The following SGCZ variants were observed in gnomAD, a reference collection of about 807,000 sequenced individuals.
SGCZ encodes the protein sarcoglycan zeta.
SGCZ carries 40 observed loss-of-function variants against 41.3 expected under a neutral mutation model. The ratio of observed to expected loss-of-function variants is 0.97; its 90% CI spans 0.75 to 1.26. SGCZ has a LOEUF of 1.26. SGCZ is among the 50% of genes most tolerant of loss of function. The probability of loss-of-function intolerance (pLI) is 0.00; values close to 1 mark genes in which losing one functional copy is unlikely to be tolerated. For synonymous variants in SGCZ, 206 were observed against 137.5 expected (o/e 1.50, Z -3.49); for missense variants, 552 against 369.8 (o/e 1.49, Z -4.04).
At chr8:14,807,540 T>C (rs1801580852) in intron 1 of SGCZ, among the ~76,000 whole-genome samples, 1 of 151,688 alleles carries the variant, frequency 6.6e-6, no homozygotes, top group South Asian at 2.1e-4. Context: ...GAAGGACCTC[T>C]TCAAGGAGAA....
chr8:14,829,843 G>T (rs567207991), intron 1 of SGCZ, among the ~76,000 whole-genome samples: 2 of 152,036 alleles, frequency 1.3e-5, no homozygotes, highest in Admixed American at 6.5e-5. Context: ...ACGGATTCTC[G>T]CTCTGTCGCC....
At chr8:14,825,855 A>C (rs749695136) in intron 1 of SGCZ, among the ~76,000 whole-genome samples, 6 of 152,192 alleles carry the variant, frequency 3.9e-5, no homozygotes, top group Non-Finnish European at 7.3e-5. Context: ...CTTCAGACTC[A>C]TCTGTATTAC....
chr8:14,432,224 G>T lies in SGCZ; in HGVS notation c.235-108020C>A, dbSNP rs148159612. Among the ~76,000 whole-genome samples, 205 of 152,254 alleles carry T rather than the reference G, an allele frequency of 1.3e-3. 1 individual carries two copies. The highest frequency in any genetic ancestry group is 4.4e-3 in the African/African-American group (182 of 41,540). On this transcript the variant is annotated intron_variant, in intron 2 of 7. Coordinates refer to ENST00000382080, the MANE Select transcript of SGCZ (RefSeq NM_139167.4). ...TATGTCATTATACAAAAAGATACTT[G>T]CACAGAGATGTTTATAGTAGCACAA...
At chr8:14,688,169 C>G (rs1342329886) in intron 1 of SGCZ, among the ~76,000 whole-genome samples, 1 of 152,074 alleles carries the variant, frequency 6.6e-6, no homozygotes, top group African/African-American at 2.4e-5. Flanking sequence ...ATGGTAGTTT[C>G]TTTTGCTGTG....
intron 7 of SGCZ, among the ~76,000 whole-genome samples, chr8:14,093,463 T>C (rs1267216181): frequency 1.3e-5 from 2 of 152,136 alleles, no homozygotes; most frequent in Non-Finnish European, 2.9e-5. Flanking sequence ...CATCATTTCC[T>C]GTAATTCTTC....
At chr8:14,316,136 A>T (rs927874342) in intron 3 of SGCZ, among the ~76,000 whole-genome samples, 2 of 151,986 alleles carry the variant, frequency 1.3e-5, no homozygotes, top group Non-Finnish European at 2.9e-5. Context: ...ATCCTATGTT[A>T]TTAAAATTGA....
intron 3 of SGCZ, among the ~76,000 whole-genome samples, chr8:14,258,734 A>C (rs2117227040): frequency 1.3e-5 from 2 of 152,266 alleles, no homozygotes; most frequent in South Asian, 4.1e-4. Flanking sequence ...ACCCACATTA[A>C]ACTGCAGTTT....
chr8:14,398,339 G>T (rs553303262), intron 2 of SGCZ, among the ~76,000 whole-genome samples: 1 of 152,252 alleles, frequency 6.6e-6, no homozygotes, highest in Admixed American at 6.6e-5. Context: ...ACACCTTGAA[G>T]GTGTCCTGAT....
At chr8:14,110,335 A>G (rs762369923) in intron 5 of SGCZ, among the ~76,000 whole-genome samples, 2 of 152,156 alleles carry the variant, frequency 1.3e-5, no homozygotes, top group Admixed American at 6.6e-5. Context: ...AGATAAGGTG[A>G]CAGAAATATA....
intron 2 of SGCZ, among the ~76,000 whole-genome samples, chr8:14,372,051 A>T (rs1030100927): frequency 6.6e-6 from 1 of 152,114 alleles, no homozygotes; most frequent in African/African-American, 2.4e-5. Context: ...TATGGACTAG[A>T]ATAAACTAGA....
intron 1 of SGCZ, among the ~76,000 whole-genome samples, chr8:15,199,449 C>A (rs1033616175): frequency 6.6e-6 from 1 of 151,976 alleles, no homozygotes; most frequent in Non-Finnish European, 1.5e-5. Flanking sequence ...TGAGCGATAC[C>A]ATTACTTATG....
At chr8:14,550,104 G>C (rs375746861) in intron 2 of SGCZ, among the ~76,000 whole-genome samples, 36 of 151,908 alleles carry the variant, frequency 2.4e-4, no homozygotes, top group African/African-American at 8.2e-4. Context: ...AAGAAAATTC[G>C]TAAGATCATT....
At chr8:14,701,871 T>A (rs374310333) in intron 1 of SGCZ, among the ~76,000 whole-genome samples, 3 of 152,044 alleles carry the variant, frequency 2.0e-5, no homozygotes, top group African/African-American at 7.2e-5. Flanking sequence ...TCTTGATCAC[T>A]CATCAACCTA....
At chr8:15,164,954 G>A (rs1314631929) in intron 1 of SGCZ, among the ~76,000 whole-genome samples, 1 of 152,062 alleles carries the variant, frequency 6.6e-6, no homozygotes, top group Non-Finnish European at 1.5e-5. Context: ...CCAGCAACTG[G>A]GTTTTCTTCT....
intron 1 of SGCZ, among the ~76,000 whole-genome samples, chr8:15,109,863 A>G (rs186785115): frequency 2.0e-5 from 3 of 152,322 alleles, no homozygotes; most frequent in Admixed American, 6.5e-5. Context: ...TATATGCTAA[A>G]AAAGCAATAA....
intron 2 of SGCZ, among the ~76,000 whole-genome samples, chr8:14,523,196 T>A (rs997150359): frequency 6.6e-6 from 1 of 152,154 alleles, no homozygotes; most frequent in East Asian, 1.9e-4. Context: ...TAAAATATAA[T>A]TTAGAAAACT....
In SGCZ at chr8:15,003,484, T is replaced by C. The variant is rs566553944; in HGVS notation, c.39+234101A>G. Among the ~76,000 whole-genome samples the C allele has an allele frequency of 2.6e-5, 4 of 152,288 alleles. No individual in the cohort carries two copies. The South Asian group carries it at 8.3e-4, about 32-fold the overall frequency. On this transcript the variant is annotated intron_variant, in intron 1 of 7. Transcript: ENST00000382080. ...ATGCTATAAGGTGATTGATAAAAAATTGATGCTATAATAAATGATTTGGTT... is the reference window on the plus strand; with the variant it reads ...ATGCTATAAGGTGATTGATAAAAAACTGATGCTATAATAAATGATTTGGTT...
intron 1 of SGCZ, among the ~76,000 whole-genome samples, chr8:14,992,602 C>G (rs976282576): frequency 6.6e-6 from 1 of 151,700 alleles, no homozygotes; most frequent in African/African-American, 2.4e-5. Context: ...ACTCCCAAAT[C>G]TACTCCCAAA....
At chr8:15,235,047 A>C (rs1465297462) in intron 1 of SGCZ, among the ~76,000 whole-genome samples, 2 of 152,196 alleles carry the variant, frequency 1.3e-5, no homozygotes, top group Non-Finnish European at 2.9e-5. Context: ...AAAAGTCAAA[A>C]CATGCAAATA....
Sources: gnomAD v4.1 joint callset for allele counts (sites outside exome capture counted in the v4.1 genomes callset) on GRCh38, gnomAD v4.1.1 for gene constraint, MANE v1.5 for transcripts, NCBI Gene and HGNC (gene_info 2026-07-23, HGNC 2026-07-21) for gene names.